Variants in NIPSNAP2 observed in about 807,000 individuals in gnomAD.
NIPSNAP2 encodes the protein protein NipSnap homolog 2.
NIPSNAP2 carries 42 observed loss-of-function variants against 48.4 expected under a neutral mutation model. The ratio of observed to expected loss-of-function variants is 0.87; its 90% CI spans 0.68 to 1.12. The LOEUF is 1.12. Among genes scored for constraint, NIPSNAP2 ranks in the 50% most tolerant of loss-of-function variants. NIPSNAP2 has a pLI of 0.00. For missense variants in NIPSNAP2, 314 were observed against 347.3 expected, an observed-to-expected ratio of 0.90 and a Z score of 0.76; for synonymous variants, 158 against 126.6, an observed-to-expected ratio of 1.25 and a Z score of -1.67.
chr7:55,993,093 G>A (rs1437945155), intron 7 of NIPSNAP2, among the ~76,000 whole-genome samples: 2 of 151,844 alleles, frequency 1.3e-5, no homozygotes, highest in Non-Finnish European at 2.9e-5. Context: ...GAGGTCAGGA[G>A]TTCAAGACCA....
chr7:55,981,130 G>GT (rs1787206709), intron 3 of NIPSNAP2: 2 of 158,118 alleles, frequency 1.3e-5, no homozygotes, highest in South Asian at 2.0e-4. Context: ...CCAACAGAAT[G>GT]TTTTTTGGTG....
At chr7:55,968,867 A>T (rs1786953642) in intron 1 of NIPSNAP2, among the ~76,000 whole-genome samples, 1 of 151,762 alleles carries the variant, frequency 6.6e-6, no homozygotes, top group African/African-American at 2.4e-5. Flanking sequence ...CTCTACTAAA[A>T]CTACAACATT....
At chr7:55,984,683 A>G (rs1481812626) in intron 6 of NIPSNAP2, among the ~76,000 whole-genome samples, 164 bp from the exon 7 acceptor site, 1 of 147,614 alleles carries the variant, frequency 6.8e-6, no homozygotes, top group African/African-American at 2.5e-5. Flanking sequence ...GAGCCACTGC[A>G]CTCCAGCCTG....
chr7:55,964,696 G>A lies in NIPSNAP2; in HGVS notation c.87G>A (p.Arg29=). Residue 29 remains arginine (R), a synonymous_variant, in exon 1 of 10, where the codon AGG becomes AGA. Coordinates refer to ENST00000322090, the MANE Select transcript of NIPSNAP2 (RefSeq NM_001483.3). The part of the protein sequence containing the change: ...QRAAPCSLLP[R]LRTWTSSSNR... Reference sequence around the variant, plus strand: ...CGGCCCCCTGCAGCCTCCTGCCCAGGCTCCGGTGAGCAGCGCCGCCCTTCC... The same window carrying A: ...CGGCCCCCTGCAGCCTCCTGCCCAGACTCCGGTGAGCAGCGCCGCCCTTCC... 6 of 1,122,110 alleles carry A rather than the reference G, an allele frequency of 5.3e-6. No individual in the cohort carries two copies. The highest frequency in any genetic ancestry group is 6.5e-6 in the Non-Finnish European group (6 of 917,590). 69.5% of individuals were successfully genotyped at this position (1,122,110 alleles called of 1,614,324 possible).
intron 9 of NIPSNAP2, 53 bp from the exon 10 acceptor site, chr7:55,998,955 A>G: frequency 7.1e-7 from 1 of 1,405,538 alleles, no homozygotes; most frequent in African/African-American, 1.4e-5. Flanking sequence ...AGTGTCATTT[A>G]CCATAATGTG....
chr7:55,971,621 C>A (rs968790547), intron 1 of NIPSNAP2, among the ~76,000 whole-genome samples: 1 of 152,058 alleles, frequency 6.6e-6, no homozygotes, highest in Non-Finnish European at 1.5e-5. Flanking sequence ...AGCCACCATG[C>A]CCAGCTACTC....
At chr7:55,991,611 G>T (rs1787444485) in intron 7 of NIPSNAP2, among the ~76,000 whole-genome samples, 1 of 151,742 alleles carries the variant, frequency 6.6e-6, no homozygotes, top group African/African-American at 2.4e-5. Context: ...AGCCAAGTGT[G>T]GTGGTGCATG....
intron 1 of NIPSNAP2, among the ~76,000 whole-genome samples, chr7:55,969,336 C>G (rs997758224): frequency 6.6e-6 from 1 of 151,676 alleles, no homozygotes; most frequent in African/African-American, 2.4e-5. Flanking sequence ...AACCTCTTCT[C>G]TCCCCCGGGT....
chr7:55,997,333 T>C (rs1787582427), intron 8 of NIPSNAP2, 33 bp from the exon 9 acceptor site: 2 of 1,511,966 alleles, frequency 1.3e-6, no homozygotes, highest in East Asian at 2.3e-5. Context: ...GTATGTGTTT[T>C]AAGTCTTACT....
intron 3 of NIPSNAP2, 82 bp from the exon 4 acceptor site, chr7:55,981,391 T>C (rs1787212800): frequency 1.1e-6 from 1 of 923,742 alleles, no homozygotes; most frequent in Non-Finnish European, 1.8e-6. Flanking sequence ...AGGTGGTCTT[T>C]TTCCTGTTAC....
At chr7:55,998,613 G>A (rs892898131) in intron 9 of NIPSNAP2, among the ~76,000 whole-genome samples, 6 of 137,668 alleles carry the variant, frequency 4.4e-5, no homozygotes, top group African/African-American at 1.3e-4. Flanking sequence ...CGATTCTCCC[G>A]CCTCAGCCTC....
chr7:55,994,966 G>A lies in NIPSNAP2; in HGVS notation c.690G>A (p.Leu230=), dbSNP rs747396602. The change falls in exon 8 of 10, where the codon CTG becomes CTA. Residue 230 remains leucine (L), a synonymous_variant. Coordinates refer to ENST00000322090, the MANE Select transcript of NIPSNAP2 (RefSeq NM_001483.3). ...VGGFFSQIGQ[L]YMVHHLWAYR... is the part of the protein sequence containing the mutation. The stretch of plus-strand genomic sequence containing the variant: ...GATTCTTCTCTCAGATTGGGCAGCT[G>A]TACATGGTGCACCATCTTTGGGGTA... 4 of 1,613,952 alleles carry A rather than the reference G, an allele frequency of 2.5e-6. No individual in the cohort carries two copies. The highest frequency in any genetic ancestry group is 3.4e-6 in the Non-Finnish European group (4 of 1,179,922).
Position 55,997,440 on chromosome 7 carries a change from T to C in NIPSNAP2, c.787T>C (p.Tyr263His). 6.2e-7 allele frequency: 1 copy of C among 1,611,258 alleles called. No homozygotes were observed. Among genetic ancestry groups the C allele is most frequent in the Non-Finnish European group, 8.5e-7 (1 of 1,177,434 alleles). ...WHKHGWEELV[Y>H]YTVPLIQEME... Reference sequence around the variant, plus strand: ...CAAACATGGCTGGGAGGAATTGGTATATTACACAGGTAATCTCTTAACAGC... The same window carrying C: ...CAAACATGGCTGGGAGGAATTGGTACATTACACAGGTAATCTCTTAACAGC... Residue 263 changes from tyrosine to histidine, a missense_variant, in exon 9 of 10, where the codon TAT becomes CAT. Tyr to His is a moderately conservative substitution (Grantham distance 83, BLOSUM62 2). This residue lies in a region of NIPSNAP2 where 116 missense variants were observed against 161.8 expected (regional missense o/e 0.72). Transcript: ENST00000322090.
chr7:55,983,580 C>A, intron 5 of NIPSNAP2, 148 bp from the exon 6 acceptor site: 1 of 625,824 alleles, frequency 1.6e-6, no homozygotes, highest in Non-Finnish European at 2.7e-6. Flanking sequence ...ATTATGCAAG[C>A]TCAACAGATG....
At position 55,973,575 on chromosome 7, in the gene NIPSNAP2, A is replaced by G. The variant is rs930285329; in HGVS notation, c.93-4551A>G. On this transcript the variant is annotated intron_variant, in intron 1 of 9. Transcript: ENST00000322090. ...CTGCAATCTCCACCTCCTGGGTTCAAGCGATTCTCCTACCTCAGCCTCCTG... is the reference window on the plus strand; with the variant it reads ...CTGCAATCTCCACCTCCTGGGTTCAGGCGATTCTCCTACCTCAGCCTCCTG... 8.6e-5 allele frequency among the ~76,000 whole-genome samples: 13 copies of G among 151,848 alleles called. No individual in the cohort carries two copies. In the East Asian group the frequency reaches 2.1e-3, roughly 25 times the overall value.
chr7:55,990,005 C>G (rs1787411193), intron 7 of NIPSNAP2, among the ~76,000 whole-genome samples: 1 of 150,870 alleles, frequency 6.6e-6, no homozygotes, highest in Admixed American at 6.6e-5. Context: ...GTAGTCCCAG[C>G]TACTCAGGAG....
intron 6 of NIPSNAP2, 41 bp from the exon 7 acceptor site, chr7:55,984,806 T>TC (rs756728086): frequency 4.5e-6 from 7 of 1,561,808 alleles, no homozygotes; most frequent in East Asian, 2.2e-5. Context: ...ATTTTTTTTT[T>TC]CACAGAAGAA....
chr7:55,990,831 A>G (rs1454510644), intron 7 of NIPSNAP2, among the ~76,000 whole-genome samples: 1 of 142,318 alleles, frequency 7.0e-6, no homozygotes, highest in Non-Finnish European at 1.5e-5. Context: ...TCTGTTGCCC[A>G]GGCTGGAGTG....
intron 8 of NIPSNAP2, among the ~76,000 whole-genome samples, chr7:55,996,096 C>G (rs931895448): frequency 3.3e-5 from 5 of 152,244 alleles, no homozygotes; most frequent in Non-Finnish European, 7.4e-5. Flanking sequence ...AGAGACCAGC[C>G]TGACCAACAT....
Sources: gnomAD v4.1 joint callset for allele counts (sites outside exome capture counted in the v4.1 genomes callset) on GRCh38, gnomAD v4.1.1 for gene constraint, gnomAD v4.1.1 regional missense constraint, MANE v1.5 for transcripts, NCBI Gene and HGNC (gene_info 2026-07-23, HGNC 2026-07-21) for gene names.